Variants in MKRN2 observed in about 807,000 individuals in gnomAD.
MKRN2 encodes the protein E3 ubiquitin-protein ligase makorin-2.
MKRN2 carries 32 observed loss-of-function variants against 45.4 expected under a neutral mutation model. The ratio of observed to expected loss-of-function variants is 0.70; its 90% CI spans 0.53 to 0.95. The LOEUF (loss-of-function observed/expected upper bound fraction) is 0.95. Among genes scored for constraint, MKRN2 ranks in the 40% least tolerant of loss-of-function variants. The pLI is 0.00. For missense variants in MKRN2, 526 were observed against 536.7 expected, an observed-to-expected ratio of 0.98 and a Z score of 0.20; for synonymous variants, 206 against 192.4, an observed-to-expected ratio of 1.07 and a Z score of -0.59.
chr3:12,580,261 C>G (rs1417137823), intron 6 of MKRN2, among the ~76,000 whole-genome samples: 1 of 152,164 alleles, frequency 6.6e-6, no homozygotes, highest in Non-Finnish European at 1.5e-5. Flanking sequence ...AGCCAGTGTG[C>G]TAGGATGCTC....
intron 1 of MKRN2, among the ~76,000 whole-genome samples, chr3:12,565,333 C>T (rs774181923): frequency 6.6e-6 from 1 of 152,066 alleles, no homozygotes; most frequent in Non-Finnish European, 1.5e-5. Flanking sequence ...TCCCCAGTCT[C>T]CTGTATTTTC....
intron 1 of MKRN2, among the ~76,000 whole-genome samples, chr3:12,558,478 G>T (rs748051230): frequency 6.6e-5 from 10 of 152,148 alleles, no homozygotes; most frequent in Non-Finnish European, 1.3e-4. Flanking sequence ...TCGCTCTATG[G>T]TTTAATTCTA....
At position 12,562,431 on chromosome 3, in the gene MKRN2, C is replaced by T. The variant is rs1307657833; in HGVS notation, c.26+5255C>T. Reference sequence around the variant, plus strand: ...ACTCTCTTCTGTGCATTTATAAAATCGGTATTGTAAATAACAGGAACTCTA... The same window carrying T: ...ACTCTCTTCTGTGCATTTATAAAATTGGTATTGTAAATAACAGGAACTCTA... On this transcript the variant is annotated intron_variant, in intron 1 of 7. Transcript: ENST00000170447. Among the ~76,000 whole-genome samples the T allele has an allele frequency of 8.5e-5, 13 of 152,326 alleles. No individual in the cohort carries two copies. In the South Asian group the frequency reaches 2.5e-3, roughly 29 times the overall value.
Position 12,572,367 on chromosome 3 carries a change from T to C in MKRN2, c.636T>C (p.His212=), listed in dbSNP as rs2648307. 912,172 of 1,558,750 alleles carry C rather than the reference T, an allele frequency of 0.59. 279,830 individuals carry two copies. Among genetic ancestry groups the C allele is most frequent in the African/African-American group, 0.91 (67,108 of 73,408 alleles). The part of the protein sequence containing the change: ...HPFDPEQRKA[H]EKICMLTFEH... ...TCGACCCAGAGCAGAGGAAGGCTCA[T>C]GAAAAGGTAAAGTCACAAACCTTTG... is the stretch of plus-strand genomic sequence containing the variant. The change falls in exon 4 of 8, where the codon CAT becomes CAC. Residue 212 remains histidine, a synonymous_variant. Coordinates refer to ENST00000170447, the MANE Select transcript of MKRN2 (RefSeq NM_014160.5).
chr3:12,568,768 A>G, intron 1 of MKRN2, 107 bp from the exon 2 acceptor site: 1 of 1,441,212 alleles, frequency 6.9e-7, no homozygotes, highest in Non-Finnish European at 9.4e-7. Flanking sequence ...GAGCCTTTAT[A>G]CATAATATAT....
intron 6 of MKRN2, among the ~76,000 whole-genome samples, chr3:12,581,602 C>T (rs765068131): frequency 3.3e-5 from 5 of 152,154 alleles, no homozygotes; most frequent in Non-Finnish European, 7.4e-5. Flanking sequence ...AGTGGGGATA[C>T]TTCCTATCCT....
rs374121518 is a variant in MKRN2, at chr3:12,578,858, A to ATTTT, written c.968+2136_968+2139dup. ...TTGCATATTAGTTTACTAAAGCTTG[A>ATTTT]TTTTTTTTTTTTTTTTTTTTTTACC... On this transcript the variant is annotated intron_variant, in intron 6 of 7. Coordinates refer to ENST00000170447, the MANE Select transcript of MKRN2 (RefSeq NM_014160.5). Among the ~76,000 whole-genome samples the ATTTT allele has an allele frequency of 4.3e-3, 536 of 125,182 alleles. 5 individuals are homozygous for ATTTT. The highest frequency in any genetic ancestry group is 6.1e-3 in the Non-Finnish European group (367 of 60,456). 82.1% of individuals were successfully genotyped at this position (125,182 alleles called of 152,430 possible).
chr3:12,581,085 A>AT (rs1270930277), intron 6 of MKRN2, among the ~76,000 whole-genome samples: 10 of 152,002 alleles, frequency 6.6e-5, no homozygotes, highest in African/African-American at 2.4e-4. Context: ...AATTCATTTG[A>AT]TTGAGTTTCC....
chr3:12,574,595 T>C (rs2058119572), intron 4 of MKRN2, among the ~76,000 whole-genome samples, 197 bp from the exon 5 acceptor site: 1 of 152,222 alleles, frequency 6.6e-6, no homozygotes, highest in Non-Finnish European at 1.5e-5. Flanking sequence ...GGACCAGTGA[T>C]GGTTTGAAGT....
At chr3:12,570,326 C>T (rs2058091030) in intron 3 of MKRN2, 74 bp downstream of exon 3, 1 of 1,455,092 alleles carries the variant, frequency 6.9e-7, no homozygotes, top group African/African-American at 1.4e-5. Flanking sequence ...CCTTTCTAGC[C>T]TCCTCTTGTC....
intron 1 of MKRN2, among the ~76,000 whole-genome samples, chr3:12,559,323 A>G (rs573471795): frequency 6.6e-6 from 1 of 152,338 alleles, no homozygotes; most frequent in Non-Finnish European, 1.5e-5. Flanking sequence ...TTATTATCTC[A>G]TTAACAAAAG....
rs552787175 is a variant in MKRN2 at position 12,572,669 on chromosome 3, T to TGG, written c.642+297_642+298insGG. On this transcript the variant is annotated intron_variant, in intron 4 of 7. Transcript: ENST00000170447. ...TGCAATCTCGGCTCACTGCAACCTC[T>TGG]GCTTCCCTGGCTCAGGTGATCCTCC... Among the ~76,000 whole-genome samples, 48 of 152,066 alleles carry TGG rather than the reference T, an allele frequency of 3.2e-4. 1 individual carries two copies. The highest frequency in any genetic ancestry group is 6.6e-4 in the Admixed American group (10 of 15,258).
intron 1 of MKRN2, among the ~76,000 whole-genome samples, chr3:12,565,546 T>G: frequency 7.3e-6 from 1 of 137,630 alleles, no homozygotes; most frequent in African/African-American, 2.9e-5. Context: ...TTTTTTTTTT[T>G]TTTTTGGGAG....
intron 1 of MKRN2, among the ~76,000 whole-genome samples, chr3:12,565,291 G>T (rs999642100): frequency 1.2e-4 from 19 of 152,008 alleles, no homozygotes; most frequent in African/African-American, 4.6e-4. Flanking sequence ...GTATTTATTT[G>T]GTTGTTTTCT....
In MKRN2 at chr3:12,571,547, G is replaced by A. The variant is rs149816390; in HGVS notation, c.338-522G>A. Reference sequence around the variant, plus strand: ...GAATACGTGACCTCTAAACAAGCTCGGAGGTGTGCAGTGGGAAGGCAGCAG... The same window carrying A: ...GAATACGTGACCTCTAAACAAGCTCAGAGGTGTGCAGTGGGAAGGCAGCAG... On this transcript the variant is annotated intron_variant, in intron 3 of 7. Coordinates refer to ENST00000170447, the MANE Select transcript of MKRN2 (RefSeq NM_014160.5). Among the ~76,000 whole-genome samples, 778 of 152,286 alleles carry A rather than the reference G, an allele frequency of 5.1e-3. 3 individuals are homozygous for A. The highest frequency in any genetic ancestry group is 0.02 in the Middle Eastern group (6 of 294).
chr3:12,581,730 G>C, intron 6 of MKRN2, 78 bp from the exon 7 acceptor site: 1 of 1,518,540 alleles, frequency 6.6e-7, no homozygotes, highest in Non-Finnish European at 9.0e-7. Flanking sequence ...AGGGTGGTAA[G>C]GATGGAGGCA....
At chr3:12,559,151 TA>T (rs2125298521) in intron 1 of MKRN2, among the ~76,000 whole-genome samples, 1 of 152,300 alleles carries the variant, frequency 6.6e-6, no homozygotes, top group Non-Finnish European at 1.5e-5. Context: ...CAAAAGGGTG[TA>T]AAGGAGTCAG....
chr3:12,561,021 G>A (rs569230696), intron 1 of MKRN2: 15 of 152,348 alleles, frequency 9.8e-5, no homozygotes, highest in Middle Eastern at 6.8e-3. Context: ...CTTTGTGCTT[G>A]TCACTGGGGA....
intron 1 of MKRN2, among the ~76,000 whole-genome samples, chr3:12,564,047 G>C (rs989505433): frequency 6.6e-6 from 1 of 151,524 alleles, no homozygotes; most frequent in Non-Finnish European, 1.5e-5. Flanking sequence ...CCAGGTTCAA[G>C]TGATTCTCCT....
Sources: gnomAD v4.1 joint callset for allele counts (sites outside exome capture counted in the v4.1 genomes callset) on GRCh38, gnomAD v4.1.1 for gene constraint, MANE v1.5 for transcripts, NCBI Gene and HGNC (gene_info 2026-07-23, HGNC 2026-07-21) for gene names.